Variants in ARHGAP26 observed in about 807,000 individuals in gnomAD.
The protein encoded by ARHGAP26 is rho GTPase-activating protein 26.
A neutral mutation model predicts 104.8 loss-of-function variants in ARHGAP26; 38 were observed. That is an observed-to-expected ratio of 0.36 (90% CI 0.28 to 0.48). ARHGAP26 has a LOEUF of 0.48. Among genes scored for constraint, ARHGAP26 ranks in the 20% least tolerant of loss-of-function variants. ARHGAP26 has a pLI of 0.99. For synonymous variants in ARHGAP26, 341 were observed against 340.0 expected, an observed-to-expected ratio of 1.00 and a Z score of -0.03; for missense variants, 704 against 947.9, an observed-to-expected ratio of 0.74 and a Z score of 3.38.
At chr5:143,083,040 C>A (rs1224282361) in intron 17 of ARHGAP26, among the ~76,000 whole-genome samples, 1 of 151,390 alleles carries the variant, frequency 6.6e-6, no homozygotes, top group Non-Finnish European at 1.5e-5. Context: ...GTTAGAGCTA[C>A]CAAGAATCTC....
chr5:142,858,873 A>T (rs905572316), intron 1 of ARHGAP26, among the ~76,000 whole-genome samples: 3 of 152,140 alleles, frequency 2.0e-5, no homozygotes, highest in Non-Finnish European at 2.9e-5. Flanking sequence ...CTAATGGGCT[A>T]AGGGGCAGTA....
At chr5:143,098,260 A>G (rs1792700921) in intron 17 of ARHGAP26, among the ~76,000 whole-genome samples, 1 of 152,236 alleles carries the variant, frequency 6.6e-6, no homozygotes, top group Non-Finnish European at 1.5e-5. Flanking sequence ...ATTGGATAGC[A>G]TAACTGTTAA....
At chr5:142,795,825 C>T (rs1760874326) in intron 1 of ARHGAP26, among the ~76,000 whole-genome samples, 1 of 152,096 alleles carries the variant, frequency 6.6e-6, no homozygotes, top group South Asian at 2.1e-4. Context: ...GCCCTATTAC[C>T]TACCACTTTG....
intron 11 of ARHGAP26, among the ~76,000 whole-genome samples, chr5:142,936,145 A>ACACACACC (rs764972784): frequency 6.5e-4 from 97 of 149,458 alleles, no homozygotes; most frequent in Admixed American, 1.3e-3. Flanking sequence ...ACACACACAC[A>ACACACACC]CCCCTTCTAT....
At chr5:143,132,512 G>A (rs1254413436) in intron 18 of ARHGAP26, among the ~76,000 whole-genome samples, 6 of 151,898 alleles carry the variant, frequency 4.0e-5, no homozygotes, top group Admixed American at 1.3e-4. Context: ...GTGTTATGCA[G>A]CCATTAAGAA....
intron 20 of ARHGAP26, among the ~76,000 whole-genome samples, chr5:143,148,511 T>C (rs1257622452): frequency 6.6e-6 from 1 of 152,202 alleles, no homozygotes; most frequent in Non-Finnish European, 1.5e-5. Context: ...AAACTGAGAA[T>C]ATAAGATCTT....
chr5:142,875,180 G>A lies in ARHGAP26; in HGVS notation c.312+9G>A. 3 of 1,613,586 alleles carry A rather than the reference G, an allele frequency of 1.9e-6. No individual in the cohort carries two copies. Among genetic ancestry groups the A allele is most frequent in the Non-Finnish European group, 2.5e-6 (3 of 1,179,546 alleles). On this transcript the variant is annotated intron_variant, in intron 3 of 22. Coordinates refer to ENST00000645722, the MANE Select transcript of ARHGAP26 (RefSeq NM_001135608.3). ...ATGAACGGATACGGATGGTGAGTAG[G>A]GCTGGGCTACTCTTGGTCCCAGATA...
chr5:143,101,856 C>CTTTTTTTTTTTTTTTTT (rs572646417), intron 17 of ARHGAP26, among the ~76,000 whole-genome samples: 1 of 138,994 alleles, frequency 7.2e-6, no homozygotes, highest in Admixed American at 7.3e-5. Context: ...GACATAAAAG[C>CTTTTTTTTTTTTTTTTT]TTTTTTTTTT....
intron 1 of ARHGAP26, among the ~76,000 whole-genome samples, chr5:142,867,658 C>A (rs1483457538): frequency 2.0e-5 from 3 of 152,112 alleles, no homozygotes; most frequent in African/African-American, 7.2e-5. Context: ...GTATGTAGCT[C>A]ATTTCTCCAG....
intron 21 of ARHGAP26, among the ~76,000 whole-genome samples, chr5:143,213,530 A>C (rs1278560711): frequency 6.6e-6 from 1 of 152,192 alleles, no homozygotes; most frequent in African/African-American, 2.4e-5. Context: ...GTGGCCTGGA[A>C]CTGAAACTTG....
intron 5 of ARHGAP26, among the ~76,000 whole-genome samples, chr5:142,886,991 T>G (rs1222882548): frequency 2.0e-5 from 3 of 152,204 alleles, no homozygotes; most frequent in Non-Finnish European, 4.4e-5. Flanking sequence ...AGGTATAAAT[T>G]ATGGATTAGA....
intron 22 of ARHGAP26, among the ~76,000 whole-genome samples, chr5:143,218,687 AG>A (rs1012813939): frequency 3.6e-4 from 55 of 152,320 alleles, no homozygotes; most frequent in African/African-American, 1.3e-3. Context: ...TGAGCTGAAG[AG>A]CCACTCAGGC....
intron 17 of ARHGAP26, among the ~76,000 whole-genome samples, chr5:143,090,769 T>C (rs11167801): frequency 0.77 from 116,859 of 152,176 alleles, 48,067 homozygotes; most frequent in Non-Finnish European, 0.92. Flanking sequence ...TCTTGCTCTT[T>C]AGTGGTCCGC....
At chr5:143,048,651 C>T (rs1387441726) in intron 14 of ARHGAP26, among the ~76,000 whole-genome samples, 1 of 151,866 alleles carries the variant, frequency 6.6e-6, no homozygotes, top group Non-Finnish European at 1.5e-5. Flanking sequence ...TGCAGTGGCT[C>T]ACACCTGTAA....
chr5:142,934,374 A>G (rs1376491820), intron 11 of ARHGAP26, among the ~76,000 whole-genome samples: 1 of 152,248 alleles, frequency 6.6e-6, no homozygotes, highest in African/African-American at 2.4e-5. Context: ...ATGATATAAA[A>G]TTATTTCCTC....
chr5:143,019,269 C>CT (rs963763550), intron 12 of ARHGAP26, among the ~76,000 whole-genome samples: 17 of 147,572 alleles, frequency 1.2e-4, no homozygotes, highest in East Asian at 2.0e-4. Flanking sequence ...TCTTCTTAAG[C>CT]TTTTTTTTTT....
chr5:143,007,193 C>CAAAA (rs1562248543), intron 11 of ARHGAP26, among the ~76,000 whole-genome samples: 1 of 115,306 alleles, frequency 8.7e-6, no homozygotes, highest in Non-Finnish European at 1.7e-5. Context: ...ACTCTGTCTC[C>CAAAA]GAAAAAAAAA....
rs899861453 is a variant in ARHGAP26 at position 143,224,362 on chromosome 5, T to A, written c.*1916T>A. 4 of 230,210 alleles carry A rather than the reference T, an allele frequency of 1.7e-5. No homozygotes were observed. The highest frequency in any genetic ancestry group is 8.9e-5 in the African/African-American group (4 of 45,154). 14.3% of individuals were successfully genotyped at this position (230,210 alleles called of 1,614,324 possible). On this transcript the variant is annotated 3_prime_UTR_variant, in exon 23 of 23. Coordinates refer to ENST00000645722, the MANE Select transcript of ARHGAP26 (RefSeq NM_001135608.3). ...CTGTCCTGTTGGTGGGCACGACACA[T>A]CAGTGGTGTTCAGTCTTTATGTGTT...
intron 12 of ARHGAP26, among the ~76,000 whole-genome samples, chr5:143,026,144 A>G (rs760002468): frequency 6.6e-5 from 10 of 152,148 alleles, no homozygotes; most frequent in Non-Finnish European, 1.5e-4. Flanking sequence ...ACCTGTCACT[A>G]TTCAAGGCTC....
Sources: gnomAD v4.1 joint callset for allele counts (sites outside exome capture counted in the v4.1 genomes callset) on GRCh38, gnomAD v4.1.1 for gene constraint, MANE v1.5 for transcripts, NCBI Gene and HGNC (gene_info 2026-07-23, HGNC 2026-07-21) for gene names.